Variants in ABI3BP observed in about 807,000 individuals in gnomAD.
ABI3BP encodes the protein ABI family member 3 binding protein, also known as target of Nesh-SH3.
ABI3BP carries 216 observed loss-of-function variants against 268.6 expected under a neutral mutation model. That is an observed-to-expected ratio of 0.80 (90% confidence interval 0.72 to 0.90). ABI3BP has a LOEUF of 0.90. ABI3BP is among the 40% of genes least tolerant of loss of function. ABI3BP has a pLI of 0.00. For missense variants in ABI3BP, 2,090 were observed against 2,182.4 expected, an observed-to-expected ratio of 0.96 and a Z score of 0.84; for synonymous variants, 730 against 730.0, an observed-to-expected ratio of 1.00 and a Z score of 0.00.
chr3:100,847,683 G>C lies in ABI3BP; in HGVS notation c.1577-10C>G. On this transcript the variant is annotated splice_polypyrimidine_tract_variant and intron_variant, in intron 18 of 67. Coordinates refer to ENST00000471714, the MANE Select transcript of ABI3BP (RefSeq NM_001375547.2). ...GCACTTGTGGTTCTTTCTGGTGATG[G>C]AAAGGAAAAAAATATTGAAATATCC... 1 of 1,609,526 alleles carries C rather than the reference G, an allele frequency of 6.2e-7. No homozygotes were observed. Among genetic ancestry groups the C allele is most frequent in the Non-Finnish European group, 8.5e-7 (1 of 1,176,372 alleles).
At chr3:100,983,288 G>C (rs1368347101) in intron 1 of ABI3BP, among the ~76,000 whole-genome samples, 2 of 152,168 alleles carry the variant, frequency 1.3e-5, no homozygotes, top group Non-Finnish European at 2.9e-5. Flanking sequence ...CAGATTATAA[G>C]ACATGCTACA....
At chr3:100,889,809 A>G (rs1374313163) in intron 4 of ABI3BP, among the ~76,000 whole-genome samples, 1 of 152,112 alleles carries the variant, frequency 6.6e-6, no homozygotes, top group African/African-American at 2.4e-5. Context: ...TGAAAAATCC[A>G]CAGCTCCTCA....
At chr3:100,862,259 TACTC>T in intron 14 of ABI3BP, 48 bp downstream of exon 14, 3 of 1,190,436 alleles carry the variant, frequency 2.5e-6, no homozygotes, top group Non-Finnish European at 3.6e-6. Context: ...AACAATAAGT[TACTC>T]AATATTCCTT....
intron 50 of ABI3BP, 44 bp downstream of exon 50, chr3:100,808,117 C>T (rs1425418657): frequency 1.3e-6 from 2 of 1,557,336 alleles, no homozygotes; most frequent in African/African-American, 2.7e-5. Flanking sequence ...AATAACCCCA[C>T]TAACCTCAAA....
intron 2 of ABI3BP, among the ~76,000 whole-genome samples, chr3:100,913,268 C>G (rs2057418900): frequency 6.6e-6 from 1 of 152,164 alleles, no homozygotes; most frequent in Non-Finnish European, 1.5e-5. Context: ...CACATCCACC[C>G]TGAAGACCAT....
chr3:100,849,658 G>A (rs2098816804), intron 17 of ABI3BP, among the ~76,000 whole-genome samples: 1 of 152,172 alleles, frequency 6.6e-6, no homozygotes, highest in African/African-American at 2.4e-5. Flanking sequence ...GTCCAGGACT[G>A]CAAAGCCTAC....
chr3:100,854,372 A>C lies in ABI3BP; in HGVS notation c.1286-2432T>G, dbSNP rs571468757. ...TCCATAACAACAACAACAACAACAA[A>C]AAGAGATGTCGGGGGAGAGGACAGT... On this transcript the variant is annotated intron_variant, in intron 14 of 67. Coordinates refer to ENST00000471714, the MANE Select transcript of ABI3BP (RefSeq NM_001375547.2). Among the ~76,000 whole-genome samples, 9 of 152,138 alleles carry C rather than the reference A, an allele frequency of 5.9e-5. No homozygotes were observed. In the South Asian group the frequency reaches 1.9e-3, roughly 32 times the overall value.
rs1263313261 is a variant in ABI3BP at position 100,778,316 on chromosome 3, G to A, written c.4301C>T (p.Pro1434Leu). Reference sequence around the variant, plus strand: ...TCCTGGCTTTCCAGTGACATTATTTGGTGGTAAAGGTTTTCTTCGTGGGTG... The same window carrying A: ...TCCTGGCTTTCCAGTGACATTATTTAGTGGTAAAGGTTTTCTTCGTGGGTG... Reference protein sequence around the residue: ...PTHPRRKPLPPNNVTGKPGSA... With the variant: ...PTHPRRKPLPLNNVTGKPGSA... Residue 1434 changes from proline to leucine, a missense_variant, in exon 59 of 68, where the codon CCA (proline) becomes CTA (leucine). By Grantham distance (98) the Pro-to-Leu change is moderately conservative. Coordinates refer to ENST00000471714, the MANE Select transcript of ABI3BP (RefSeq NM_001375547.2). 2.5e-6 allele frequency: 4 copies of A among 1,613,800 alleles called. No individual in the cohort carries two copies. Among genetic ancestry groups the A allele is most frequent in the Non-Finnish European group, 3.4e-6 (4 of 1,179,806 alleles).
chr3:100,775,374 C>T, intron 59 of ABI3BP, 39 bp from the exon 60 acceptor site: 1 of 1,572,044 alleles, frequency 6.4e-7, no homozygotes, highest in Non-Finnish European at 8.6e-7. Flanking sequence ...TTTATAGGAA[C>T]ACTGCCAAGT....
At chr3:100,901,544 T>C (rs1032614626) in intron 3 of ABI3BP, among the ~76,000 whole-genome samples, 2 of 151,820 alleles carry the variant, frequency 1.3e-5, no homozygotes, top group African/African-American at 4.8e-5. Context: ...TGGGGGTGGA[T>C]CATGAGGTCA....
intron 1 of ABI3BP, among the ~76,000 whole-genome samples, chr3:100,985,141 C>CTTTTTTTTTTTT (rs1172049956): frequency 1.3e-5 from 1 of 79,836 alleles, no homozygotes; most frequent in African/African-American, 5.0e-5. Context: ...CAGAAAAGCA[C>CTTTTTTTTTTTT]TTTTTTTTTT....
At chr3:100,839,698 C>T (rs1386065301) in intron 23 of ABI3BP, 82 bp from the exon 24 acceptor site, 15 of 1,380,156 alleles carry the variant, frequency 1.1e-5, no homozygotes, top group Non-Finnish European at 1.5e-5. Flanking sequence ...CAAGCTGGGA[C>T]ACTACCTAAA....
chr3:100,865,463 A>G (rs2153197675), intron 10 of ABI3BP, among the ~76,000 whole-genome samples: 1 of 152,318 alleles, frequency 6.6e-6, no homozygotes, highest in South Asian at 2.1e-4. Context: ...TCAGCCACAG[A>G]TTTGTCCCAA....
intron 61 of ABI3BP, among the ~76,000 whole-genome samples, chr3:100,771,352 A>G (rs1577115581): frequency 2.0e-5 from 3 of 152,300 alleles, no homozygotes; most frequent in Admixed American, 2.0e-4. Flanking sequence ...CAAGTATTTT[A>G]CTGTATCCCA....
At chr3:100,987,965 G>C (rs1219457534) in intron 1 of ABI3BP, among the ~76,000 whole-genome samples, 1 of 152,128 alleles carries the variant, frequency 6.6e-6, no homozygotes, top group East Asian at 1.9e-4. Context: ...ATAATTTCTT[G>C]CTTGGTGGTT....
chr3:100,869,538 A>G (rs923035476), intron 9 of ABI3BP, among the ~76,000 whole-genome samples: 3 of 151,482 alleles, frequency 2.0e-5, no homozygotes, highest in Admixed American at 6.6e-5. Context: ...ATTATTTTGC[A>G]AAAACGGGAT....
At chr3:100,757,740 A>G (rs1241043303) in intron 63 of ABI3BP, among the ~76,000 whole-genome samples, 1 of 152,150 alleles carries the variant, frequency 6.6e-6, no homozygotes, top group Non-Finnish European at 1.5e-5. Context: ...CAACAAATAG[A>G]ACAAAGAAAT....
At chr3:100,766,957 T>TA (rs1204156044) in intron 62 of ABI3BP, among the ~76,000 whole-genome samples, 1 of 152,136 alleles carries the variant, frequency 6.6e-6, no homozygotes, top group Non-Finnish European at 1.5e-5. Flanking sequence ...GGAAATAAAA[T>TA]AAAAAACTAG....
Position 100,794,912 on chromosome 3 carries a change from A to G in ABI3BP, c.3946+11T>C, listed in dbSNP as rs1377336342. The G allele has an allele frequency of 6.4e-7, 1 of 1,551,630 alleles. No individual in the cohort carries two copies. The highest frequency in any genetic ancestry group is 8.7e-7 in the Non-Finnish European group (1 of 1,144,708). ...AAGCTCTCTTTGAACAAATATTAAA[A>G]CGAAATTTACCCAGAGTGGTCTGTA... On this transcript the variant is annotated intron_variant, in intron 54 of 67. Coordinates refer to ENST00000471714, the MANE Select transcript of ABI3BP (RefSeq NM_001375547.2).
Sources: allele counts gnomAD v4.1 joint callset (sites outside exome capture counted in the v4.1 genomes callset), GRCh38; gene constraint gnomAD v4.1.1; transcripts MANE v1.5; gene names NCBI Gene and HGNC (gene_info 2026-07-23, HGNC 2026-07-21).